HSPA12B: variants seen among roughly 807,000 people sequenced by gnomAD.
The protein encoded by HSPA12B is heat shock 70 kDa protein 12B.
HSPA12B carries 54 observed loss-of-function variants against 69.3 expected under a neutral mutation model. That is an observed-to-expected ratio of 0.78 (90% CI 0.63 to 0.98). The LOEUF is 0.98. Ranked by LOEUF, HSPA12B falls within the 50% of genes least tolerant of loss-of-function variation. HSPA12B has a pLI of 0.00. For synonymous variants in HSPA12B, 441 were observed against 436.5 expected (o/e 1.01, Z -0.13); for missense variants, 929 against 999.8 (o/e 0.93, Z 0.96).
At chr20:3,734,082 C>T (rs939591055) in intron 1 of HSPA12B, among the ~76,000 whole-genome samples, 1 of 152,174 alleles carries the variant, frequency 6.6e-6, no homozygotes, top group Non-Finnish European at 1.5e-5. Context: ...GTGGGAGGAT[C>T]GCTTGAGGCC....
At chr20:3,733,839 G>A (rs2088068057) in intron 1 of HSPA12B, among the ~76,000 whole-genome samples, 2 of 152,208 alleles carry the variant, frequency 1.3e-5, no homozygotes, top group South Asian at 2.1e-4. Context: ...GGAAGAGGCA[G>A]GGTCCTAGTG....
At position 3,745,546 on chromosome 20, in the gene HSPA12B, C is replaced by A; in HGVS notation, c.507C>A (p.Ala169=). Residue 169 remains alanine, a synonymous_variant, in exon 6 of 13, where the codon GCC becomes GCA. Transcript: ENST00000254963. This position sits in a 1 kb window ranked among gnomAD's most constrained non-coding sequence, Gnocchi z 5.6. ...CAGTAAATGGAAAGACGATGCCCGCCCTGGAGGTGTTCGCCCATGCCCTGC... is the reference window on the plus strand; with the variant it reads ...CAGTAAATGGAAAGACGATGCCCGCACTGGAGGTGTTCGCCCATGCCCTGC... The part of the protein sequence containing the change: ...LEAVNGKTMP[A]LEVFAHALRF... 1.9e-6 allele frequency: 3 copies of A among 1,614,152 alleles called. No individual in the cohort carries two copies. The highest frequency in any genetic ancestry group is 1.7e-6 in the Non-Finnish European group (2 of 1,180,022).
Position 3,749,392 on chromosome 20 carries a change from G to T in HSPA12B, c.937+74G>T. On this transcript the variant is annotated intron_variant, in intron 9 of 12. Coordinates refer to ENST00000254963, the MANE Select transcript of HSPA12B (RefSeq NM_052970.5). The surrounding 1 kb of genome is among the most constrained non-coding windows in gnomAD (Gnocchi z 5.5). ...CATATACTGATGGGGGGAAGGGCAT[G>T]TTTGCAAAGCCCGTCTCTTCCTCCT... 2 of 1,344,854 alleles carry T rather than the reference G, an allele frequency of 1.5e-6. No homozygotes were observed. The highest frequency in any genetic ancestry group is 2.5e-5 in the South Asian group (2 of 80,488). The allele number at this position is 1,344,854 out of a possible 1,614,324, so 83.3% of individuals were successfully genotyped here.
Position 3,749,197 on chromosome 20 carries a change from T to C in HSPA12B, c.851-35T>C. ...GAACGCCATAGCTGGAGCACCTCCT[T>C]CTAATCTCACTCCCTGCTGTCTCCT... On this transcript the variant is annotated intron_variant, in intron 8 of 12. Transcript: ENST00000254963. This position sits in a 1 kb window ranked among gnomAD's most constrained non-coding sequence, Gnocchi z 5.5. 1 of 1,592,642 alleles carries C rather than the reference T, an allele frequency of 6.3e-7. No individual in the cohort carries two copies. Among genetic ancestry groups the C allele is most frequent in the Non-Finnish European group, 8.6e-7 (1 of 1,165,358 alleles).
chr20:3,748,655 A>G (rs958319418), intron 8 of HSPA12B, among the ~76,000 whole-genome samples: 2 of 152,122 alleles, frequency 1.3e-5, no homozygotes, highest in Non-Finnish European at 2.9e-5. Context: ...CTAGGGGAGC[A>G]AAGTCTGAGG....
intron 12 of HSPA12B, 28 bp downstream of exon 12, chr20:3,750,935 C>A: frequency 1.3e-6 from 2 of 1,583,076 alleles, no homozygotes; most frequent in Non-Finnish European, 1.7e-6. Context: ...GTCCCCCACC[C>A]GCCCCTACAT....
In HSPA12B at chr20:3,749,016, G is replaced by T. The variant is rs554952233; in HGVS notation, c.851-216G>T. ...CCTGAGACCTCCTGCGTTAAAGGAA[G>T]GCCCTGTGTCCATAAATATTTCCCC... On this transcript the variant is annotated intron_variant, in intron 8 of 12. Transcript: ENST00000254963. The surrounding 1 kb of genome is among the most constrained non-coding windows in gnomAD (Gnocchi z 5.5). 1.3e-5 allele frequency among the ~76,000 whole-genome samples: 2 copies of T among 152,320 alleles called. No individual in the cohort carries two copies. The highest frequency in any genetic ancestry group is 4.1e-4 in the South Asian group (2 of 4,822).
In HSPA12B at chr20:3,752,349, T is replaced by C; in HGVS notation, c.*183T>C. On this transcript the variant is annotated 3_prime_UTR_variant, in exon 13 of 13. Coordinates refer to ENST00000254963, the MANE Select transcript of HSPA12B (RefSeq NM_052970.5). ...GTGGGGACACACCCAGAGACTGGCT[T>C]TGGGATTGGGCACTGGTCCGCTGAC... is the stretch of plus-strand genomic sequence containing the variant. 1 of 562,438 alleles carries C rather than the reference T, an allele frequency of 1.8e-6. No individual in the cohort carries two copies. 34.8% of individuals were successfully genotyped at this position (562,438 alleles called of 1,614,324 possible).
Position 3,745,965 on chromosome 20 carries a change from G to T in HSPA12B, c.609G>T (p.Trp203Cys), listed in dbSNP as rs2088294354. The change falls in exon 7 of 13, where the codon TGG (tryptophan) becomes TGT (cysteine). Residue 203 changes from tryptophan (W) to cysteine (C), a missense_variant. Physicochemically the swap from Trp to Cys is radical, Grantham distance 215. Around this residue, in one of 3 missense-constraint regions of HSPA12B, gnomAD observed 477 missense variants for 535.2 expected, o/e 0.89. Transcript: ENST00000254963. This position sits in a 1 kb window ranked among gnomAD's most constrained non-coding sequence, Gnocchi z 5.6. The stretch of plus-strand genomic sequence containing the variant: ...TGCCAGAGAAGGACACTGTGCGCTG[G>T]GTGTTGACGGTGCCTGCCATCTGGA... The part of the protein sequence containing the change: ...PSLPEKDTVR[W>C]VLTVPAIWKQ... 1 of 1,614,050 alleles carries T rather than the reference G, an allele frequency of 6.2e-7. No individual in the cohort carries two copies. Among genetic ancestry groups the T allele is most frequent in the Non-Finnish European group, 8.5e-7 (1 of 1,179,988 alleles).
chr20:3,733,857 G>T (rs1255998227), intron 1 of HSPA12B, among the ~76,000 whole-genome samples: 1 of 152,230 alleles, frequency 6.6e-6, no homozygotes, highest in Non-Finnish European at 1.5e-5. Flanking sequence ...GTGAGGAGGG[G>T]AGCTGGAATG....
chr20:3,751,343 G>A (rs992058832), intron 12 of HSPA12B, 168 bp from the exon 13 acceptor site: 19 of 985,360 alleles, frequency 1.9e-5, no homozygotes, highest in African/African-American at 5.2e-5. Context: ...GAGGACTCCC[G>A]TGAGCTCTCA....
chr20:3,742,761 G>A (rs1427486228), intron 4 of HSPA12B, among the ~76,000 whole-genome samples: 8 of 149,444 alleles, frequency 5.4e-5, no homozygotes, highest in Non-Finnish European at 1.2e-4. Context: ...GCAAAGGCAC[G>A]ATCTTAGCTC....
intron 1 of HSPA12B, among the ~76,000 whole-genome samples, chr20:3,736,001 G>C (rs1316821832): frequency 6.6e-6 from 1 of 152,144 alleles, no homozygotes; most frequent in Non-Finnish European, 1.5e-5. Flanking sequence ...TTTCCAATCA[G>C]CTCTGGAAGA....
chr20:3,752,648 G>A lies in HSPA12B; in HGVS notation c.*482G>A, dbSNP rs1335831992. ...CCAGGCAGAAAAACCCTGTGCCGTA[G>A]GAAAGTGACTGGAAGTGGACTCCAG... is the stretch of plus-strand genomic sequence containing the variant. On this transcript the variant is annotated 3_prime_UTR_variant, in exon 13 of 13. Transcript: ENST00000254963. 6.3e-6 allele frequency: 1 copy of A among 158,248 alleles called. No homozygotes were observed. The highest frequency in any genetic ancestry group is 1.4e-5 in the Non-Finnish European group (1 of 71,268). The allele number at this position is 158,248 out of a possible 1,614,324, so 9.8% of individuals were successfully genotyped here.
At position 3,750,100 on chromosome 20, in the gene HSPA12B, G is replaced by C. The variant is rs2088386351; in HGVS notation, c.1174G>C (p.Glu392Gln). 1.2e-6 allele frequency: 2 copies of C among 1,612,220 alleles called. No homozygotes were observed. Among genetic ancestry groups the C allele is most frequent in the Non-Finnish European group, 1.7e-6 (2 of 1,179,662 alleles). ...AAWVDLTIAF[E>Q]ARKRTAGPHR... The stretch of plus-strand genomic sequence containing the variant: ...CTGGGTAGATCTGACCATCGCCTTC[G>C]AGGCTCGCAAGCGCACTGCTGGCCC... Residue 392 changes from glutamate (E) to glutamine (Q), a missense_variant, in exon 11 of 13, where the codon GAG becomes CAG. Glu to Gln is a conservative substitution (Grantham distance 29). Transcript: ENST00000254963.
At position 3,737,012 on chromosome 20, in the gene HSPA12B, C is replaced by T. The variant is rs895980401; in HGVS notation, c.-17-1646C>T. 2.6e-5 allele frequency among the ~76,000 whole-genome samples: 4 copies of T among 151,920 alleles called. No individual in the cohort carries two copies. The highest frequency in any genetic ancestry group is 1.3e-4 in the Admixed American group (2 of 15,262). ...TGCAGTGAGCTGAGAACTGAGATCA[C>T]GCCACTGCACTCCAGCCTGGGGGAC... On this transcript the variant is annotated intron_variant, in intron 1 of 12. Transcript: ENST00000254963. This position sits in a 1 kb window ranked among gnomAD's most constrained non-coding sequence, Gnocchi z 4.1.
chr20:3,743,649 T>C (rs891613684), intron 4 of HSPA12B, among the ~76,000 whole-genome samples: 1 of 152,264 alleles, frequency 6.6e-6, no homozygotes, highest in Non-Finnish European at 1.5e-5. Context: ...AAGCTACCAC[T>C]TTCTTTGAAC....
rs546610231 is a variant in HSPA12B, at chr20:3,752,591, C to G, written c.*425C>G. ...GGTCTGGACCTGCAGGGCTGAAGTT[C>G]ACTCATCGACCGACTCAGCCCCAAC... On this transcript the variant is annotated 3_prime_UTR_variant, in exon 13 of 13. Transcript: ENST00000254963. 1 of 169,008 alleles carries G rather than the reference C, an allele frequency of 5.9e-6. No individual in the cohort carries two copies. Among genetic ancestry groups the G allele is most frequent in the East Asian group, 1.7e-4 (1 of 5,806 alleles). The allele number at this position is 169,008 out of a possible 1,614,324, so 10.5% of individuals were successfully genotyped here.
intron 2 of HSPA12B, 139 bp downstream of exon 2, chr20:3,738,856 G>C (rs1045781729): frequency 1.2e-6 from 1 of 834,042 alleles, no homozygotes; most frequent in South Asian, 1.5e-5. Flanking sequence ...GTGTGTGTGT[G>C]TGCATGTGTG....
Sources: gnomAD v4.1 joint callset for allele counts (sites outside exome capture counted in the v4.1 genomes callset) on GRCh38, gnomAD v4.1.1 for gene constraint, gnomAD v4.1.1 regional missense constraint, Gnocchi (gnomAD v3.1) non-coding constraint, MANE v1.5 for transcripts, NCBI Gene and HGNC (gene_info 2026-07-23, HGNC 2026-07-21) for gene names.